SGCZ: variants seen among roughly 807,000 people sequenced by gnomAD.
The protein encoded by SGCZ is zeta-sarcoglycan.
Under a neutral mutation model 41.3 loss-of-function variants are expected in SGCZ, and 40 were observed. The observed-to-expected ratio is 0.97, with a 90% CI of 0.75 to 1.26. The LOEUF is 1.26. Ranked by LOEUF, SGCZ falls within the 50% of genes most tolerant of loss-of-function variation. The pLI, the probability that SGCZ is intolerant of heterozygous loss-of-function variation, is 0.00. For synonymous variants in SGCZ, 206 were observed against 137.5 expected (o/e 1.50, Z -3.49); for missense variants, 552 against 369.8 (o/e 1.49, Z -4.04).
chr8:14,699,398 G>A (rs2117592845), intron 1 of SGCZ, among the ~76,000 whole-genome samples: 1 of 151,692 alleles, frequency 6.6e-6, no homozygotes, highest in South Asian at 2.1e-4. Context: ...TGGTGCTAGG[G>A]ATAACTGACT....
intron 5 of SGCZ, among the ~76,000 whole-genome samples, chr8:14,158,692 C>T (rs555367223): frequency 2.0e-5 from 3 of 152,242 alleles, no homozygotes; most frequent in Non-Finnish European, 2.9e-5. Flanking sequence ...AAATACCAGG[C>T]CCTGAATGAT....
intron 1 of SGCZ, among the ~76,000 whole-genome samples, chr8:14,645,499 T>C (rs1176045835): frequency 6.8e-6 from 1 of 146,536 alleles, no homozygotes; most frequent in African/African-American, 2.5e-5. Flanking sequence ...TATATATATA[T>C]ATGGCACATA....
intron 1 of SGCZ, among the ~76,000 whole-genome samples, chr8:15,121,650 T>C (rs2116951739): frequency 6.6e-6 from 1 of 152,216 alleles, no homozygotes; most frequent in East Asian, 1.9e-4. Flanking sequence ...TTAGAGAAGA[T>C]CTCATGCTGG....
chr8:14,486,906 A>G (rs1563361289), intron 2 of SGCZ, among the ~76,000 whole-genome samples: 1 of 152,368 alleles, frequency 6.6e-6, no homozygotes, highest in East Asian at 1.9e-4. Flanking sequence ...CATGGAATCT[A>G]ACAGAATCCT....
chr8:14,129,693 A>C (rs2117054512), intron 5 of SGCZ, among the ~76,000 whole-genome samples: 1 of 152,098 alleles, frequency 6.6e-6, no homozygotes, highest in African/African-American at 2.4e-5. Flanking sequence ...TACGTCATTA[A>C]AAAAAATCAA....
chr8:14,301,372 CA>C lies in SGCZ; in HGVS notation c.336+22730del, dbSNP rs398112237. Among the ~76,000 whole-genome samples, 1,326 of 149,552 alleles carry C rather than the reference CA, an allele frequency of 8.9e-3. 21 individuals carry two copies. The highest frequency in any genetic ancestry group is 0.031 in the African/African-American group (1,266 of 40,670). ...TCAACCTCAGTAGTGATTCAAATCACAAAAAAAAACAAACAATTGTTGAAAA... is the reference window on the plus strand; with the variant it reads ...TCAACCTCAGTAGTGATTCAAATCACAAAAAAAACAAACAATTGTTGAAAA... On this transcript the variant is annotated intron_variant, in intron 3 of 7. Transcript: ENST00000382080.
At chr8:14,472,574 A>G (rs1418677928) in intron 2 of SGCZ, among the ~76,000 whole-genome samples, 1 of 152,152 alleles carries the variant, frequency 6.6e-6, no homozygotes, top group East Asian at 1.9e-4. Context: ...TCATTACATT[A>G]TAAGAAAACT....
intron 3 of SGCZ, among the ~76,000 whole-genome samples, chr8:14,290,930 G>A (rs1585325986): frequency 6.6e-6 from 1 of 152,004 alleles, no homozygotes; most frequent in East Asian, 1.9e-4. Context: ...CTAAAATATG[G>A]AATCACCCTA....
At chr8:14,415,515 A>C (rs955366034) in intron 2 of SGCZ, among the ~76,000 whole-genome samples, 1 of 151,946 alleles carries the variant, frequency 6.6e-6, no homozygotes, top group Non-Finnish European at 1.5e-5. Flanking sequence ...GCGTTAAGTC[A>C]GAATGCTTTA....
intron 2 of SGCZ, among the ~76,000 whole-genome samples, chr8:14,481,145 G>C (rs1184308175): frequency 6.6e-6 from 1 of 151,714 alleles, no homozygotes; most frequent in Non-Finnish European, 1.5e-5. Context: ...ATGCACAAAT[G>C]ATACACACAT....
chr8:14,520,328 A>T (rs567627022), intron 2 of SGCZ, among the ~76,000 whole-genome samples: 31 of 152,256 alleles, frequency 2.0e-4, no homozygotes, highest in African/African-American at 7.5e-4. Context: ...TCCTGGAAGC[A>T]GCTATTACAA....
rs1409458364 is a variant in SGCZ, at chr8:14,465,096, T to C, written c.234+89636A>G. ...TTCCATATATCTCTATTATATCCAG[T>C]TTATTGCATTGTTCATGTCCCCTAA... On this transcript the variant is annotated intron_variant, in intron 2 of 7. Transcript: ENST00000382080. Among the ~76,000 whole-genome samples, 4 of 151,654 alleles carry C rather than the reference T, an allele frequency of 2.6e-5. No individual in the cohort carries two copies. In the East Asian group the frequency reaches 7.7e-4, roughly 29 times the overall value.
chr8:15,084,294 T>G (rs1257362104), intron 1 of SGCZ, among the ~76,000 whole-genome samples: 1 of 152,206 alleles, frequency 6.6e-6, no homozygotes, highest in Non-Finnish European at 1.5e-5. Context: ...AAATTCAGTC[T>G]ATATTGAGAC....
chr8:14,372,673 G>A (rs1000551876), intron 2 of SGCZ, among the ~76,000 whole-genome samples: 4 of 152,084 alleles, frequency 2.6e-5, no homozygotes, highest in South Asian at 2.1e-4. Flanking sequence ...GACTCCTGTA[G>A]AATTTTGGAG....
chr8:14,570,963 C>G (rs988973348), intron 1 of SGCZ, among the ~76,000 whole-genome samples: 5 of 152,102 alleles, frequency 3.3e-5, no homozygotes, highest in African/African-American at 1.2e-4. Context: ...AATAAAATGA[C>G]TTTCATACTT....
At chr8:14,770,265 G>C (rs1360809270) in intron 1 of SGCZ, among the ~76,000 whole-genome samples, 2 of 151,524 alleles carry the variant, frequency 1.3e-5, no homozygotes, top group African/African-American at 4.8e-5. Flanking sequence ...GTAGTGCCAA[G>C]ACAGACCCAT....
chr8:15,172,007 G>C (rs1291153404), intron 1 of SGCZ, among the ~76,000 whole-genome samples: 1 of 152,028 alleles, frequency 6.6e-6, no homozygotes, highest in East Asian at 1.9e-4. Flanking sequence ...TGCCAGCAAA[G>C]AGAACTAATA....
At chr8:15,080,381 T>C (rs1207773681) in intron 1 of SGCZ, among the ~76,000 whole-genome samples, 1 of 152,042 alleles carries the variant, frequency 6.6e-6, no homozygotes, top group African/African-American at 2.4e-5. Context: ...TCCACGGAAG[T>C]TCCTACCACC....
chr8:14,679,379 T>G (rs1002223120), intron 1 of SGCZ, among the ~76,000 whole-genome samples: 1 of 151,868 alleles, frequency 6.6e-6, no homozygotes, highest in Non-Finnish European at 1.5e-5. Flanking sequence ...CCTGAAGACA[T>G]GTTAGTGGTA....
Sources: allele counts gnomAD v4.1 joint callset (sites outside exome capture counted in the v4.1 genomes callset), GRCh38; gene constraint gnomAD v4.1.1; transcripts MANE v1.5; gene names NCBI Gene and HGNC (gene_info 2026-07-23, HGNC 2026-07-21).